Variants in WDR64 observed in about 807,000 individuals in gnomAD.
WDR64 encodes the protein WD repeat-containing protein 64.
WDR64 carries 112 observed loss-of-function variants against 139.3 expected under a neutral mutation model. The ratio of observed to expected loss-of-function variants is 0.80; its 90% CI spans 0.69 to 0.94. The LOEUF is 0.94. Ranked by LOEUF, WDR64 falls within the 40% of genes least tolerant of loss-of-function variation. WDR64 has a pLI of 0.00. For synonymous variants in WDR64, 444 were observed against 437.7 expected, an observed-to-expected ratio of 1.01 and a Z score of -0.18; for missense variants, 1,206 against 1,293.1, an observed-to-expected ratio of 0.93 and a Z score of 1.03.
intron 8 of WDR64, among the ~76,000 whole-genome samples, chr1:241,692,923 G>A (rs1023750428): frequency 2.6e-5 from 4 of 152,166 alleles, no homozygotes; most frequent in African/African-American, 4.8e-5. Context: ...AAATGCTGGT[G>A]GGGTGTGGAG....
At chr1:241,743,951 C>A (rs1669650020) in intron 12 of WDR64, among the ~76,000 whole-genome samples, 1 of 152,180 alleles carries the variant, frequency 6.6e-6, no homozygotes, top group South Asian at 2.1e-4. Context: ...TCGGTGAGCT[C>A]TTTCCTCAGG....
intron 22 of WDR64, 66 bp downstream of exon 22, chr1:241,780,128 C>A: frequency 1.6e-6 from 2 of 1,288,080 alleles, no homozygotes; most frequent in South Asian, 1.3e-5. Context: ...TTTCTCTGTG[C>A]TAGACACCAT....
chr1:241,736,088 T>A (rs946638139), intron 10 of WDR64, among the ~76,000 whole-genome samples: 1 of 152,072 alleles, frequency 6.6e-6, no homozygotes, highest in Non-Finnish European at 1.5e-5. Context: ...GCCTGTTGCT[T>A]TTCTGAATTG....
chr1:241,704,115 C>T (rs1408720012), intron 8 of WDR64, among the ~76,000 whole-genome samples: 2 of 152,144 alleles, frequency 1.3e-5, no homozygotes, highest in East Asian at 3.9e-4. Context: ...ACATTGTACA[C>T]GAAACTGTGA....
At chr1:241,679,406 C>A in intron 5 of WDR64, 79 bp from the exon 6 acceptor site, 1 of 1,272,320 alleles carries the variant, frequency 7.9e-7, no homozygotes, top group Non-Finnish European at 1.1e-6. Context: ...TTTAGTGTGA[C>A]TAACCTGCTC....
chr1:241,738,923 C>T (rs151194246), intron 11 of WDR64, among the ~76,000 whole-genome samples: 105 of 152,312 alleles, frequency 6.9e-4, no homozygotes, highest in African/African-American at 2.5e-3. Flanking sequence ...CCAGCTCCCA[C>T]ACACAGCTCT....
At chr1:241,738,632 A>C in intron 11 of WDR64, 143 bp downstream of exon 11, 5 of 880,262 alleles carry the variant, frequency 5.7e-6, no homozygotes, top group Non-Finnish European at 3.3e-6. Flanking sequence ...GTAGATATTT[A>C]ATTCAATTCT....
Position 241,678,547 on chromosome 1 carries a change from T to C in WDR64, c.513+331T>C, listed in dbSNP as rs78279088. ...ATGGACACAACCTAAGTTGTAAGAA[T>C]AAGGAGGTGGCCCATGGAAATAGTT... On this transcript the variant is annotated intron_variant, in intron 5 of 27. Coordinates refer to ENST00000437684, the MANE Select transcript of WDR64 (RefSeq NM_001367482.1). Among the ~76,000 whole-genome samples the C allele has an allele frequency of 9.1e-3, 1,381 of 152,292 alleles. 16 individuals are homozygous for C. The highest frequency in any genetic ancestry group is 0.031 in the African/African-American group (1,298 of 41,570).
At chr1:241,756,316 C>A (rs372667046) in intron 14 of WDR64, among the ~76,000 whole-genome samples, 5 of 152,056 alleles carry the variant, frequency 3.3e-5, no homozygotes, top group African/African-American at 1.2e-4. Flanking sequence ...TTATTCTCTT[C>A]GTAGTAACTG....
intron 2 of WDR64, 127 bp downstream of exon 2, chr1:241,660,787 C>A: frequency 9.8e-7 from 1 of 1,016,346 alleles, no homozygotes; most frequent in Non-Finnish European, 1.4e-6. Context: ...AGTTTCAATA[C>A]CTACACCCAT....
chr1:241,738,856 C>G (rs1048224982), intron 11 of WDR64, among the ~76,000 whole-genome samples: 2 of 152,246 alleles, frequency 1.3e-5, no homozygotes, highest in East Asian at 1.9e-4. Context: ...GGAAGAAATG[C>G]CTGGGCTAAG....
intron 1 of WDR64, among the ~76,000 whole-genome samples, chr1:241,655,551 C>T (rs1007352739): frequency 2.0e-4 from 30 of 152,206 alleles, no homozygotes; most frequent in African/African-American, 7.2e-4. Context: ...TCATTCACAG[C>T]TTGCCTCAGC....
chr1:241,695,030 T>G (rs1036561817), intron 8 of WDR64, among the ~76,000 whole-genome samples: 3 of 151,780 alleles, frequency 2.0e-5, no homozygotes, highest in African/African-American at 7.3e-5. Context: ...CTTATGAGAG[T>G]TGATTGTTAA....
At chr1:241,674,773 G>A (rs1269293000) in intron 4 of WDR64, 26 bp downstream of exon 4, 2 of 1,362,136 alleles carry the variant, frequency 1.5e-6, no homozygotes, top group Admixed American at 4.1e-5. Context: ...TTTTTTAACT[G>A]AATGACTCAT....
intron 2 of WDR64, among the ~76,000 whole-genome samples, chr1:241,669,078 T>C (rs1039315984): frequency 5.9e-5 from 9 of 152,208 alleles, no homozygotes; most frequent in Admixed American, 2.0e-4. Flanking sequence ...AAAATGCTCA[T>C]TTTGACATGA....
At chr1:241,795,083 G>A (rs1659324003) in intron 25 of WDR64, 124 bp from the exon 26 acceptor site, 16 of 727,778 alleles carry the variant, frequency 2.2e-5, no homozygotes, top group Middle Eastern at 2.7e-4. Flanking sequence ...CTCATAACTA[G>A]GTAACAGGGA....
chr1:241,741,435 A>T lies in WDR64; in HGVS notation c.1322-81A>T. 3 of 1,356,226 alleles carry T rather than the reference A, an allele frequency of 2.2e-6. No homozygotes were observed. The South Asian group carries it at 4.7e-5, about 21-fold the overall frequency. The allele number at this position is 1,356,226 out of a possible 1,614,324, so 84.0% of individuals were successfully genotyped here. A position where few individuals can be genotyped will look rare whatever the true frequency, so the allele number is the denominator to read the frequency against. On this transcript the variant is annotated intron_variant, in intron 11 of 27. Coordinates refer to ENST00000437684, the MANE Select transcript of WDR64 (RefSeq NM_001367482.1). ...TAATCTCACTGTTTGGCTGTTTCCA[A>T]ACCCAACTGCTTGGCTGAAACCCTT...
chr1:241,705,497 G>A (rs932790001), intron 8 of WDR64, among the ~76,000 whole-genome samples: 16 of 150,748 alleles, frequency 1.1e-4, no homozygotes, highest in African/African-American at 2.7e-4. Flanking sequence ...AGCCGAGATC[G>A]CGCCACTGCA....
intron 1 of WDR64, among the ~76,000 whole-genome samples, chr1:241,655,295 A>G (rs1665540731): frequency 6.6e-6 from 1 of 152,126 alleles, no homozygotes; most frequent in African/African-American, 2.4e-5. Flanking sequence ...AGCCAGGAGA[A>G]TTGCTTGAAC....
Sources: gnomAD v4.1 joint callset for allele counts (sites outside exome capture counted in the v4.1 genomes callset) on GRCh38, gnomAD v4.1.1 for gene constraint, MANE v1.5 for transcripts, NCBI Gene and HGNC (gene_info 2026-07-23, HGNC 2026-07-21) for gene names.